The following ALOX5 variants were observed in gnomAD, a reference collection of about 807,000 sequenced individuals.
ALOX5 encodes the protein arachidonate 5-lipoxygenase, also known as polyunsaturated fatty acid 5-lipoxygenase.
Under a neutral mutation model 87.9 loss-of-function variants are expected in ALOX5, and 64 were observed. The ratio of observed to expected loss-of-function variants is 0.73; its 90% CI spans 0.60 to 0.90. The LOEUF (loss-of-function observed/expected upper bound fraction) is 0.90. ALOX5 is among the 40% of genes least tolerant of loss of function. The probability of loss-of-function intolerance (pLI) is 0.00; values close to 1 mark genes in which losing one functional copy is unlikely to be tolerated. For synonymous variants in ALOX5, 388 were observed against 355.1 expected (o/e 1.09, Z -1.04); for missense variants, 822 against 907.5 (o/e 0.91, Z 1.21).
In ALOX5 at chr10:45,425,241, TC is replaced by T; in HGVS notation, c.834+110del. The T allele has an allele frequency of 7.4e-7, 1 of 1,342,428 alleles. No homozygotes were observed. Among genetic ancestry groups the T allele is most frequent in the Non-Finnish European group, 1.0e-6 (1 of 999,718 alleles). The allele number at this position is 1,342,428 out of a possible 1,614,324, so 83.2% of individuals were successfully genotyped here. ...CACCAAGACGCTAACTGCAGGCCCATCTGGCCTACAGCAGCCGCTTCCTTTT... is the reference window on the plus strand; with the variant it reads ...CACCAAGACGCTAACTGCAGGCCCATTGGCCTACAGCAGCCGCTTCCTTTT... On this transcript the variant is annotated intron_variant, in intron 6 of 13. Transcript: ENST00000374391. This position sits in a 1 kb window ranked among gnomAD's most constrained non-coding sequence, Gnocchi z 4.4.
In ALOX5 at chr10:45,429,517, A is replaced by T. The variant is rs529397135; in HGVS notation, c.981+753A>T. On this transcript the variant is annotated intron_variant, in intron 7 of 13. Transcript: ENST00000374391. ...CTATGGGTTAACCTGCACAGTCCGC[A>T]ATCCCTTACCCTCGATTCTAAATCT... Among the ~76,000 whole-genome samples, 13 of 152,356 alleles carry T rather than the reference A, an allele frequency of 8.5e-5. 1 individual carries two copies. The South Asian group carries it at 2.7e-3, about 32-fold the overall frequency.
At position 45,445,584 on chromosome 10, in the gene ALOX5, A is replaced by G. The variant is rs1302611009; in HGVS notation, c.1922A>G (p.Asn641Ser). 1 of 1,614,074 alleles carries G rather than the reference A, an allele frequency of 6.2e-7. No individual in the cohort carries two copies. The highest frequency in any genetic ancestry group is 8.5e-7 in the Non-Finnish European group (1 of 1,180,010). ...VKEAMARFRK[N>S]LEAIVSVIAE... is the part of the protein sequence containing the mutation. ...GAAGCCATGGCCCGATTCCGCAAGA[A>G]CCTCGAGGCCATTGTCAGCGTGATT... The change falls in exon 14 of 14, where the codon AAC becomes AGC. Residue 641 changes from asparagine (N) to serine (S), a missense_variant. By Grantham distance (46) the Asn-to-Ser change is conservative (BLOSUM62 1). Transcript: ENST00000374391.
intron 7 of ALOX5, 51 bp from the exon 8 acceptor site, chr10:45,440,379 A>G (rs577789262): frequency 1.3e-6 from 2 of 1,575,632 alleles, no homozygotes; most frequent in African/African-American, 1.3e-5. Flanking sequence ...TCCAACAACT[A>G]TACTCTGAAG....
intron 2 of ALOX5, 52 bp from the exon 3 acceptor site, chr10:45,395,803 G>T: frequency 6.6e-7 from 1 of 1,525,968 alleles, no homozygotes; most frequent in Non-Finnish European, 9.1e-7. Context: ...TTGGCATTGG[G>T]CATTGTTATT....
At chr10:45,377,169 G>C (rs189176167) in intron 1 of ALOX5, among the ~76,000 whole-genome samples, 1 of 152,264 alleles carries the variant, frequency 6.6e-6, no homozygotes, top group Non-Finnish European at 1.5e-5. Context: ...AATGATTCAT[G>C]CTTCTTAAGT....
At chr10:45,384,187 G>C (rs555166413) in intron 2 of ALOX5, among the ~76,000 whole-genome samples, 6 of 152,206 alleles carry the variant, frequency 3.9e-5, no homozygotes, top group Admixed American at 2.6e-4. Flanking sequence ...GAGGAGCTGC[G>C]GCCCTCAGTA....
intron 2 of ALOX5, among the ~76,000 whole-genome samples, chr10:45,391,693 C>T (rs189409638): frequency 1.3e-5 from 2 of 151,896 alleles, no homozygotes; most frequent in African/African-American, 2.4e-5. Flanking sequence ...AAGTGAGGAG[C>T]GTCTCTGCCC....
At position 45,428,303 on chromosome 10, in the gene ALOX5, T is replaced by A. The variant is rs548614693; in HGVS notation, c.835-315T>A. The A allele has an allele frequency of 1.1e-5, 5 of 443,856 alleles. No individual in the cohort carries two copies. In the South Asian group the frequency reaches 1.9e-4, roughly 17 times the overall value. The allele number at this position is 443,856 out of a possible 1,614,324, so 27.5% of individuals were successfully genotyped here. A position where few individuals can be genotyped will look rare whatever the true frequency, so the allele number is the denominator to read the frequency against. Reference sequence around the variant, plus strand: ...TTTAACTCGTCACATCTATTTCACCTAACCTCTTTCTTCTTAGTAAACTGA... The same window carrying A: ...TTTAACTCGTCACATCTATTTCACCAAACCTCTTTCTTCTTAGTAAACTGA... On this transcript the variant is annotated intron_variant, in intron 6 of 13. Coordinates refer to ENST00000374391, the MANE Select transcript of ALOX5 (RefSeq NM_000698.5).
Position 45,445,851 on chromosome 10 carries a change from T to A in ALOX5, c.*164T>A. On this transcript the variant is annotated 3_prime_UTR_variant, in exon 14 of 14. Coordinates refer to ENST00000374391, the MANE Select transcript of ALOX5 (RefSeq NM_000698.5). ...ATCTTCAGGGAACTGCATAGATTGA[T>A]CAAAGTGTAAACACCATAGGGACCC... is the stretch of plus-strand genomic sequence containing the variant. 1 of 787,656 alleles carries A rather than the reference T, an allele frequency of 1.3e-6. No homozygotes were observed. Among genetic ancestry groups the A allele is most frequent in the South Asian group, 1.8e-5 (1 of 54,810 alleles). The allele number at this position is 787,656 out of a possible 1,614,324, so 48.8% of individuals were successfully genotyped here.
chr10:45,405,697 T>C (rs1840857744), intron 3 of ALOX5, among the ~76,000 whole-genome samples: 1 of 152,084 alleles, frequency 6.6e-6, no homozygotes, highest in Admixed American at 6.5e-5. Flanking sequence ...GTCTAATACT[T>C]TTATAATTTC....
intron 7 of ALOX5, among the ~76,000 whole-genome samples, chr10:45,434,300 C>T (rs575386781): frequency 3.3e-5 from 5 of 152,278 alleles, no homozygotes; most frequent in South Asian, 2.1e-4. Flanking sequence ...ACTGTCTACT[C>T]GAAAACATAC....
At chr10:45,434,072 G>A (rs955746520) in intron 7 of ALOX5, among the ~76,000 whole-genome samples, 2 of 152,200 alleles carry the variant, frequency 1.3e-5, no homozygotes, top group Non-Finnish European at 2.9e-5. Flanking sequence ...GGCTAGCTAG[G>A]TGCCTGGAAC....
intron 2 of ALOX5, among the ~76,000 whole-genome samples, chr10:45,387,810 C>G (rs1017113277): frequency 1.3e-5 from 2 of 152,202 alleles, no homozygotes; most frequent in South Asian, 2.1e-4. Context: ...TGAAAATTCA[C>G]TAATTCAGAC....
intron 2 of ALOX5, among the ~76,000 whole-genome samples, chr10:45,395,064 T>C (rs939630215): frequency 2.6e-5 from 4 of 152,334 alleles, no homozygotes; most frequent in Admixed American, 2.6e-4. Flanking sequence ...CTCAGGGATC[T>C]AGAACTAGAA....
chr10:45,410,628 T>A lies in ALOX5; in HGVS notation c.432-1563T>A, dbSNP rs144760014. On this transcript the variant is annotated intron_variant, in intron 3 of 13. Coordinates refer to ENST00000374391, the MANE Select transcript of ALOX5 (RefSeq NM_000698.5). Reference sequence around the variant, plus strand: ...ATATTAAAATAACTCAGGACTTTTTTAAGACCCAAAATCTCGATATTTTAC... The same window carrying A: ...ATATTAAAATAACTCAGGACTTTTTAAAGACCCAAAATCTCGATATTTTAC... Among the ~76,000 whole-genome samples the A allele has an allele frequency of 1.4e-3, 218 of 152,308 alleles. 1 individual carries two copies. Among genetic ancestry groups the A allele is most frequent in the African/African-American group, 5.0e-3 (208 of 41,570 alleles).
chr10:45,393,492 A>T (rs1162544638), intron 2 of ALOX5, among the ~76,000 whole-genome samples: 1 of 152,130 alleles, frequency 6.6e-6, no homozygotes, highest in African/African-American at 2.4e-5. Context: ...CCCACAACCA[A>T]TATCATACTG....
At chr10:45,427,933 C>T (rs1841781068) in intron 6 of ALOX5, among the ~76,000 whole-genome samples, 1 of 152,200 alleles carries the variant, frequency 6.6e-6, no homozygotes, top group Admixed American at 6.5e-5. Context: ...TGTCGCCAGT[C>T]TCAGACCAGG....
chr10:45,444,591 G>T (rs1403688564), intron 13 of ALOX5: 1 of 394,076 alleles, frequency 2.5e-6, no homozygotes, highest in East Asian at 4.2e-5. Flanking sequence ...GTTTTACCCT[G>T]GTACTCCAGA....
At chr10:45,413,167 G>C (rs1372014578) in intron 4 of ALOX5, among the ~76,000 whole-genome samples, 3 of 152,168 alleles carry the variant, frequency 2.0e-5, no homozygotes, top group African/African-American at 7.2e-5. Context: ...CAATATCCCT[G>C]ATGAACATCA....
Sources: gnomAD v4.1 joint callset for allele counts (sites outside exome capture counted in the v4.1 genomes callset) on GRCh38, gnomAD v4.1.1 for gene constraint, Gnocchi (gnomAD v3.1) non-coding constraint, MANE v1.5 for transcripts, NCBI Gene and HGNC (gene_info 2026-07-23, HGNC 2026-07-21) for gene names.